The following PRTG variants were observed in gnomAD, a reference collection of about 807,000 sequenced individuals.
PRTG encodes protogenin.
PRTG carries 67 observed loss-of-function variants against 122.5 expected under a neutral mutation model. The observed-to-expected ratio is 0.55, with a 90% CI of 0.45 to 0.67. The LOEUF (loss-of-function observed/expected upper bound fraction) is 0.67, where lower values mean the gene tolerates loss of function less well. Among genes scored for constraint, PRTG ranks in the 30% least tolerant of loss-of-function variants. PRTG has a pLI of 0.00. For synonymous variants in PRTG, 554 were observed against 501.1 expected (o/e 1.11, Z -1.41); for missense variants, 1,435 against 1,415.4 (o/e 1.01, Z -0.22).
rs368424787 is a variant in PRTG at position 55,643,396 on chromosome 15, G to A, written c.2042-2188C>T. 1.4e-4 allele frequency among the ~76,000 whole-genome samples: 22 copies of A among 152,264 alleles called. No individual in the cohort carries two copies. In the South Asian group the frequency reaches 4.4e-3, roughly 30 times the overall value. On this transcript the variant is annotated intron_variant, in intron 11 of 19. Coordinates refer to ENST00000389286, the MANE Select transcript of PRTG (RefSeq NM_173814.6). ...TATCAGAAAACACCATAAGGTAGAT[G>A]TTATATCCATTTTATGTGTAAGCTG... is the stretch of plus-strand genomic sequence containing the variant.
chr15:55,700,119 T>C (rs2059653835), intron 2 of PRTG, among the ~76,000 whole-genome samples: 1 of 152,236 alleles, frequency 6.6e-6, no homozygotes, highest in African/African-American at 2.4e-5. Flanking sequence ...TGTATATGTC[T>C]GTATATGTAC....
intron 2 of PRTG, among the ~76,000 whole-genome samples, chr15:55,732,622 G>A (rs868285809): frequency 6.6e-6 from 1 of 151,402 alleles, no homozygotes; most frequent in Admixed American, 6.6e-5. Flanking sequence ...AGCCTCCCGA[G>A]TAGCTAGGAT....
intron 12 of PRTG, among the ~76,000 whole-genome samples, chr15:55,640,532 A>G (rs2059283706): frequency 6.6e-6 from 1 of 152,230 alleles, no homozygotes. Flanking sequence ...TAGGAGCAGT[A>G]CAAGTGAACA....
chr15:55,711,871 C>T (rs1322102254), intron 2 of PRTG, among the ~76,000 whole-genome samples: 1 of 152,198 alleles, frequency 6.6e-6, no homozygotes, highest in African/African-American at 2.4e-5. Context: ...CACAATCTCT[C>T]TTCTGTTCTC....
chr15:55,705,447 T>C (rs2141845844), intron 2 of PRTG, among the ~76,000 whole-genome samples: 1 of 152,312 alleles, frequency 6.6e-6, no homozygotes, highest in African/African-American at 2.4e-5. Context: ...GTCAACTATT[T>C]TGTCTTCCCC....
intron 2 of PRTG, among the ~76,000 whole-genome samples, chr15:55,731,705 G>A (rs2031240182): frequency 6.6e-6 from 1 of 152,000 alleles, no homozygotes; most frequent in Non-Finnish European, 1.5e-5. Flanking sequence ...GGTGGGAGTG[G>A]GGAACCAGTA....
In PRTG at chr15:55,613,364, G is replaced by T. The variant is rs946232560; in HGVS notation, c.*6648C>A. On this transcript the variant is annotated 3_prime_UTR_variant, in exon 20 of 20. Transcript: ENST00000389286. ...TTTCAAGTCAATGAATTCCTGTTTG[G>T]AATATGGGAGCTACAGAAAATTACA... 2.0e-5 allele frequency: 3 copies of T among 152,012 alleles called. No homozygotes were observed. Among genetic ancestry groups the T allele is most frequent in the African/African-American group, 7.2e-5 (3 of 41,382 alleles). 9.4% of individuals were successfully genotyped at this position (152,012 alleles called of 1,614,324 possible).
chr15:55,708,272 T>C (rs4774802), intron 2 of PRTG, among the ~76,000 whole-genome samples: 73,556 of 149,558 alleles, frequency 0.49, 19,419 homozygotes, highest in Non-Finnish European at 0.61. Context: ...ATGAAGCAAG[T>C]GAAAACAAAC....
chr15:55,625,147 A>G (rs1474536689), intron 17 of PRTG, among the ~76,000 whole-genome samples: 1 of 152,136 alleles, frequency 6.6e-6, no homozygotes, highest in Non-Finnish European at 1.5e-5. Context: ...TTTTAATTCA[A>G]AAAAATAGCC....
Position 55,740,521 on chromosome 15 carries a change from C to G in PRTG, c.258G>C (p.Glu86Asp), listed in dbSNP as rs1377194861. Residue 86 changes from glutamate (E) to aspartate (D), a missense_variant, in exon 2 of 20, where the codon GAG becomes GAC. By Grantham distance (45) the Glu-to-Asp change is conservative. Coordinates refer to ENST00000389286, the MANE Select transcript of PRTG (RefSeq NM_173814.6). ...GAKMSENKRI[E>D]VLSNGSLYIS... ...TGTATAAAGAGCCGTTAGAAAGAAC[C>G]TCGATCCGTTTATTTTCAGACATTT... 1 of 1,614,176 alleles carries G rather than the reference C, an allele frequency of 6.2e-7. No individual in the cohort carries two copies. Among genetic ancestry groups the G allele is most frequent in the Admixed American group, 1.7e-5 (1 of 60,016 alleles).
intron 2 of PRTG, among the ~76,000 whole-genome samples, chr15:55,726,986 A>G (rs557990460): frequency 8.6e-5 from 13 of 151,840 alleles, no homozygotes; most frequent in Middle Eastern, 3.4e-3. Flanking sequence ...ACTGTAACAC[A>G]CCAAAACTTA....
At chr15:55,641,417 TACTTA>T (rs2059289723) in intron 11 of PRTG, among the ~76,000 whole-genome samples, 1 of 152,318 alleles carries the variant, frequency 6.6e-6, no homozygotes, top group South Asian at 2.1e-4. Context: ...AATTTTACTT[TACTTA>T]ATCTAATTTC....
intron 11 of PRTG, among the ~76,000 whole-genome samples, chr15:55,664,590 T>G (rs2059428237): frequency 6.6e-6 from 1 of 152,186 alleles, no homozygotes; most frequent in Non-Finnish European, 1.5e-5. Context: ...AATTTTTTTT[T>G]GTTTGTTTTT....
chr15:55,701,407 G>A (rs546510215), intron 2 of PRTG, among the ~76,000 whole-genome samples: 150 of 152,120 alleles, frequency 9.9e-4, no homozygotes, highest in African/African-American at 3.3e-3. Context: ...GGTGGCAGGC[G>A]ACTGTAATCC....
intron 11 of PRTG, among the ~76,000 whole-genome samples, chr15:55,654,716 T>G (rs1359153882): frequency 6.6e-6 from 1 of 152,206 alleles, no homozygotes; most frequent in East Asian, 1.9e-4. Flanking sequence ...AAACAATATT[T>G]TTATAGACTG....
chr15:55,652,794 A>G (rs1424129271), intron 11 of PRTG, among the ~76,000 whole-genome samples: 3 of 152,212 alleles, frequency 2.0e-5, no homozygotes, highest in African/African-American at 7.2e-5. Context: ...CAAATGTAAG[A>G]CTACAGTGTT....
intron 11 of PRTG, among the ~76,000 whole-genome samples, chr15:55,653,742 G>A (rs2059365936): frequency 3.3e-5 from 5 of 152,154 alleles, no homozygotes; most frequent in African/African-American, 1.2e-4. Context: ...GGGATTATAG[G>A]CGTCAGCCAC....
At position 55,628,953 on chromosome 15, in the gene PRTG, A is replaced by G; in HGVS notation, c.2675T>C (p.Ile892Thr). Residue 892 changes from isoleucine to threonine, a missense_variant, in exon 16 of 20, where the codon ATT becomes ACT. Ile to Thr is a moderately conservative substitution (Grantham distance 89). Transcript: ENST00000389286. The stretch of plus-strand genomic sequence containing the variant: ...CTCATTGGATGCAGATATCTTGACA[A>G]TGTACACATTTCCTGCTACCAAGTT... ...LENLVAGNVY[I>T]VKISASNEVG... The G allele has an allele frequency of 1.2e-6, 2 of 1,613,676 alleles. No homozygotes were observed. Among genetic ancestry groups the G allele is most frequent in the African/African-American group, 1.3e-5 (1 of 75,030 alleles).
chr15:55,655,148 C>T (rs978842006), intron 11 of PRTG: 6 of 152,124 alleles, frequency 3.9e-5, no homozygotes, highest in Non-Finnish European at 8.8e-5. Flanking sequence ...GTTACAACAA[C>T]TTATGTAAAC....
Sources: allele counts gnomAD v4.1 joint callset (sites outside exome capture counted in the v4.1 genomes callset), GRCh38; gene constraint gnomAD v4.1.1; transcripts MANE v1.5; gene names NCBI Gene and HGNC (gene_info 2026-07-23, HGNC 2026-07-21).